ERGIC1: variants seen among roughly 807,000 people sequenced by gnomAD.
ERGIC1 encodes the protein endoplasmic reticulum-Golgi intermediate compartment protein 1.
Under a neutral mutation model 38.3 loss-of-function variants are expected in ERGIC1, and 19 were observed. The observed-to-expected ratio is 0.50, with a 90% confidence interval of 0.35 to 0.73. ERGIC1 has a LOEUF of 0.73. Ranked by LOEUF, ERGIC1 falls within the 30% of genes least tolerant of loss-of-function variation. The pLI is 0.01. For synonymous variants in ERGIC1, 124 were observed against 157.6 expected, an observed-to-expected ratio of 0.79 and a Z score of 1.60; for missense variants, 294 against 389.2, an observed-to-expected ratio of 0.76 and a Z score of 2.06.
rs766294511 is a variant in ERGIC1 at position 172,932,416 on chromosome 5, C to T, written c.542-20C>T. The T allele has an allele frequency of 6.2e-7, 1 of 1,613,004 alleles. No individual in the cohort carries two copies. The highest frequency in any genetic ancestry group is 1.1e-5 in the South Asian group (1 of 90,926). The stretch of plus-strand genomic sequence containing the variant: ...GCAGTGCCCGTCCCCCTGCTTCATT[C>T]TGCTGTGTCCTTCCCGCAGCCCTGG... On this transcript the variant is annotated intron_variant, in intron 7 of 9. Coordinates refer to ENST00000393784, the MANE Select transcript of ERGIC1 (RefSeq NM_001031711.3).
chr5:172,905,731 C>G (rs997427121), intron 3 of ERGIC1, among the ~76,000 whole-genome samples: 2 of 79,738 alleles, frequency 2.5e-5, no homozygotes, highest in Non-Finnish European at 6.4e-5. Context: ...AAGCTCAGCT[C>G]GAGCCGGAAC....
chr5:172,861,256 C>T (rs1415000246), intron 1 of ERGIC1, among the ~76,000 whole-genome samples: 1 of 152,158 alleles, frequency 6.6e-6, no homozygotes, highest in African/African-American at 2.4e-5. Flanking sequence ...AGGCACTTGG[C>T]GTAGTGGCTC....
intron 8 of ERGIC1, chr5:172,934,364 C>G (rs994168631): frequency 1.3e-5 from 2 of 152,366 alleles, no homozygotes; most frequent in Non-Finnish European, 2.9e-5. Flanking sequence ...AAGCCAAGTC[C>G]CTGAGGGAGG....
chr5:172,932,707 G>A, intron 8 of ERGIC1, 171 bp downstream of exon 8: 1 of 631,572 alleles, frequency 1.6e-6, no homozygotes, highest in East Asian at 2.8e-5. Flanking sequence ...GAAAAGCCCA[G>A]TCCCTGCCAT....
At chr5:172,940,292 TTC>T (rs923758571) in intron 9 of ERGIC1, among the ~76,000 whole-genome samples, 3 of 152,286 alleles carry the variant, frequency 2.0e-5, no homozygotes, top group Admixed American at 6.5e-5. Context: ...TTCTTGGAGC[TTC>T]TCTCTCTCGG....
At chr5:172,849,011 A>C (rs1727846215) in intron 1 of ERGIC1, among the ~76,000 whole-genome samples, 1 of 152,212 alleles carries the variant, frequency 6.6e-6, no homozygotes. Flanking sequence ...TCCCCAGAAC[A>C]GGAGTAAGGC....
At chr5:172,883,247 A>G (rs985517168) in intron 1 of ERGIC1, among the ~76,000 whole-genome samples, 7 of 152,204 alleles carry the variant, frequency 4.6e-5, no homozygotes, top group African/African-American at 1.7e-4. Context: ...CCAGATGTTA[A>G]CATCTTACAT....
chr5:172,847,606 C>T (rs112058640), intron 1 of ERGIC1, among the ~76,000 whole-genome samples: 2 of 152,098 alleles, frequency 1.3e-5, no homozygotes, highest in South Asian at 2.1e-4. Context: ...CTCTGCCTCC[C>T]GGGTTCAAGT....
At chr5:172,891,657 C>T (rs1003263490) in intron 2 of ERGIC1, among the ~76,000 whole-genome samples, 7 of 152,248 alleles carry the variant, frequency 4.6e-5, no homozygotes, top group Admixed American at 1.3e-4. Context: ...CCAGGCTGGT[C>T]TCGAACTCCT....
In ERGIC1 at chr5:172,862,989, A is replaced by G. The variant is rs78818252; in HGVS notation, c.21-25710A>G. Among the ~76,000 whole-genome samples, 935 of 152,308 alleles carry G rather than the reference A, an allele frequency of 6.1e-3. 10 individuals are homozygous for G. The highest frequency in any genetic ancestry group is 0.022 in the African/African-American group (909 of 41,568). ...GAGCCTTCTATTTATTTATACGCAC[A>G]TATATACATACATACGAACTCTCCC... On this transcript the variant is annotated intron_variant, in intron 1 of 9. Coordinates refer to ENST00000393784, the MANE Select transcript of ERGIC1 (RefSeq NM_001031711.3).
chr5:172,834,969 A>T lies in ERGIC1; in HGVS notation c.20+536A>T, dbSNP rs1218954412. 6.6e-6 allele frequency among the ~76,000 whole-genome samples: 1 copy of T among 152,126 alleles called. No homozygotes were observed. The highest frequency in any genetic ancestry group is 1.5e-5 in the Non-Finnish European group (1 of 67,988). ...GCCTGCCCCCGCCCCTCCCTCCCTCAGCCCCAGCCCTGTCCGCTGGGTATG... is the reference window on the plus strand; with the variant it reads ...GCCTGCCCCCGCCCCTCCCTCCCTCTGCCCCAGCCCTGTCCGCTGGGTATG... On this transcript the variant is annotated intron_variant, in intron 1 of 9. Transcript: ENST00000393784. The surrounding 1 kb of genome is among the most constrained non-coding windows in gnomAD (Gnocchi z 4.1).
intron 1 of ERGIC1, among the ~76,000 whole-genome samples, chr5:172,864,565 G>A (rs1488483215): frequency 6.6e-6 from 1 of 151,858 alleles, no homozygotes; most frequent in South Asian, 2.1e-4. Context: ...TCCTGGGATG[G>A]GATGGAGATG....
chr5:172,937,929 G>A (rs1464504342), intron 9 of ERGIC1: 1 of 151,414 alleles, frequency 6.6e-6, no homozygotes, highest in Admixed American at 6.6e-5. Context: ...ACCTGGGAGG[G>A]AGAGGTTGCG....
At chr5:172,842,128 C>T (rs1256308327) in intron 1 of ERGIC1, among the ~76,000 whole-genome samples, 1 of 152,226 alleles carries the variant, frequency 6.6e-6, no homozygotes, top group East Asian at 1.9e-4. Context: ...CTCACTGCAA[C>T]CTCCACTTCC....
chr5:172,850,298 C>T (rs1231676829), intron 1 of ERGIC1, among the ~76,000 whole-genome samples: 1 of 151,862 alleles, frequency 6.6e-6, no homozygotes, highest in Non-Finnish European at 1.5e-5. Context: ...CCGCCCCCTC[C>T]CTGCCCCACC....
intron 1 of ERGIC1, among the ~76,000 whole-genome samples, chr5:172,866,562 G>C (rs1257867051): frequency 6.6e-6 from 1 of 152,204 alleles, no homozygotes; most frequent in Non-Finnish European, 1.5e-5. Flanking sequence ...GGGGCCAGGC[G>C]CTGTGCTAAG....
chr5:172,891,156 T>C (rs1460145314), intron 2 of ERGIC1, among the ~76,000 whole-genome samples: 1 of 152,222 alleles, frequency 6.6e-6, no homozygotes, highest in Non-Finnish European at 1.5e-5. Context: ...TTCTTCTCAC[T>C]GTCCTCCCGG....
intron 1 of ERGIC1, among the ~76,000 whole-genome samples, chr5:172,876,985 T>C (rs1276505144): frequency 6.6e-6 from 1 of 152,214 alleles, no homozygotes; most frequent in Non-Finnish European, 1.5e-5. Flanking sequence ...ATTTTTCTTT[T>C]ATTACTTGAG....
chr5:172,845,045 G>GGC (rs1285823531), intron 1 of ERGIC1, among the ~76,000 whole-genome samples: 29 of 149,792 alleles, frequency 1.9e-4, no homozygotes, highest in Admixed American at 1.6e-3. Context: ...GGGGTATATA[G>GGC]GGGGGACAGG....
Sources: gnomAD v4.1 joint callset for allele counts (sites outside exome capture counted in the v4.1 genomes callset) on GRCh38, gnomAD v4.1.1 for gene constraint, Gnocchi (gnomAD v3.1) non-coding constraint, MANE v1.5 for transcripts, NCBI Gene and HGNC (gene_info 2026-07-23, HGNC 2026-07-21) for gene names.